The following DLGAP2 variants were observed in gnomAD, a reference collection of about 807,000 sequenced individuals.
DLGAP2 encodes the protein disks large-associated protein 2.
In DLGAP2, 26 loss-of-function variants were observed where a neutral mutation model predicts 100.3. That is an observed-to-expected ratio of 0.26 (90% CI 0.19 to 0.36). The LOEUF is 0.36. DLGAP2 is among the 10% of genes least tolerant of loss of function. DLGAP2 has a pLI of 1.00. For synonymous variants in DLGAP2, 886 were observed against 630.1 expected (o/e 1.41, Z -6.08); for missense variants, 1,858 against 1,453.2 (o/e 1.28, Z -4.53).
At chr8:1,367,726 G>A (rs1381779785) in intron 3 of DLGAP2, among the ~76,000 whole-genome samples, 1 of 152,158 alleles carries the variant, frequency 6.6e-6, no homozygotes, top group Non-Finnish European at 1.5e-5. Flanking sequence ...CATTTAAAAC[G>A]GTTCCCTATT....
In DLGAP2 at chr8:1,706,559, A is replaced by C. The variant is rs1406641094; in HGVS notation, c.*5153A>C. ...TGGAAAGGTTTGGAAATGCAGAAAT[A>C]ACTACAAGGGCCATTCTCCTTAGCT... On this transcript the variant is annotated 3_prime_UTR_variant, in exon 15 of 15. Coordinates refer to ENST00000637795, the MANE Select transcript of DLGAP2 (RefSeq NM_001346810.2). 6.6e-6 allele frequency: 1 copy of C among 152,186 alleles called. No homozygotes were observed. Among genetic ancestry groups the C allele is most frequent in the East Asian group, 1.9e-4 (1 of 5,188 alleles). 9.4% of individuals were successfully genotyped at this position (152,186 alleles called of 1,614,324 possible). A position where few individuals can be genotyped will look rare whatever the true frequency, so the allele number is the denominator to read the frequency against.
chr8:1,076,518 G>C (rs954967021), intron 2 of DLGAP2, among the ~76,000 whole-genome samples: 73 of 152,374 alleles, frequency 4.8e-4, no homozygotes, highest in Non-Finnish European at 6.2e-4. Flanking sequence ...GTTGGTCTCG[G>C]AAGATGGCCT....
intron 2 of DLGAP2, among the ~76,000 whole-genome samples, chr8:1,174,885 G>A (rs868832680): frequency 1.3e-5 from 2 of 152,126 alleles, no homozygotes; most frequent in African/African-American, 4.8e-5. Flanking sequence ...AGGGAAAGAA[G>A]GTGAGACAGG....
chr8:1,539,418 T>C (rs1801275256), intron 4 of DLGAP2, among the ~76,000 whole-genome samples: 1 of 152,078 alleles, frequency 6.6e-6, no homozygotes, highest in Non-Finnish European at 1.5e-5. Flanking sequence ...CTGGCGACTG[T>C]TCCTATGATG....
intron 2 of DLGAP2, among the ~76,000 whole-genome samples, chr8:1,253,260 C>G (rs541730696): frequency 4.6e-5 from 7 of 152,206 alleles, no homozygotes; most frequent in Non-Finnish European, 8.8e-5. Flanking sequence ...GCTGCAGCCG[C>G]TGGGTGGTTC....
chr8:1,620,508 A>T (rs73174749), intron 6 of DLGAP2: 1 of 152,320 alleles, frequency 6.6e-6, no homozygotes, highest in African/African-American at 2.4e-5. Context: ...ACTTCTTGGA[A>T]GTGCCCTAGA....
At chr8:924,393 C>T (rs1317184301) in intron 2 of DLGAP2, among the ~76,000 whole-genome samples, 1 of 151,930 alleles carries the variant, frequency 6.6e-6, no homozygotes, top group Non-Finnish European at 1.5e-5. Context: ...TGGGCTTGGA[C>T]GTTGGGTGGG....
chr8:1,479,945 G>A (rs562493532), intron 3 of DLGAP2, among the ~76,000 whole-genome samples: 16 of 152,192 alleles, frequency 1.1e-4, no homozygotes, highest in Non-Finnish European at 1.9e-4. Context: ...TAGTGCTGGC[G>A]TGACTTTTGT....
intron 2 of DLGAP2, among the ~76,000 whole-genome samples, chr8:1,165,300 G>GGA (rs143237912): frequency 0.029 from 4,334 of 150,912 alleles, 93 homozygotes; most frequent in East Asian, 0.065. Context: ...AGAGAGACAG[G>GGA]GAGAGAGAGA....
At chr8:1,138,924 T>A (rs1796471976) in intron 2 of DLGAP2, among the ~76,000 whole-genome samples, 1 of 152,046 alleles carries the variant, frequency 6.6e-6, no homozygotes, top group African/African-American at 2.4e-5. Context: ...TATTTACTTG[T>A]CCTGGCCTGT....
At chr8:994,236 T>A (rs192439384) in intron 2 of DLGAP2, among the ~76,000 whole-genome samples, 76 of 152,300 alleles carry the variant, frequency 5.0e-4, no homozygotes, top group African/African-American at 1.7e-3. Flanking sequence ...GTTTCACTCT[T>A]GTTGCCCAGG....
chr8:1,054,482 A>G (rs958953890), intron 2 of DLGAP2, among the ~76,000 whole-genome samples: 3 of 152,206 alleles, frequency 2.0e-5, no homozygotes, highest in Admixed American at 1.3e-4. Flanking sequence ...AAGTTTTTAC[A>G]TAAGTGCTGT....
intron 1 of DLGAP2, among the ~76,000 whole-genome samples, chr8:842,615 A>G (rs993708885): frequency 3.2e-5 from 3 of 93,918 alleles, no homozygotes; most frequent in Non-Finnish European, 4.5e-5. Context: ...ACGTTTACGA[A>G]TTATAGCTTC....
intron 4 of DLGAP2, among the ~76,000 whole-genome samples, chr8:1,542,049 C>T (rs1199828791): frequency 6.6e-6 from 1 of 152,220 alleles, no homozygotes; most frequent in Non-Finnish European, 1.5e-5. Context: ...CAGCCACATT[C>T]TTTGTTCTGT....
intron 2 of DLGAP2, among the ~76,000 whole-genome samples, chr8:978,277 G>A (rs561998884): frequency 5.4e-4 from 12 of 22,132 alleles, no homozygotes; most frequent in African/African-American, 8.2e-4. Flanking sequence ...TGCAGTGAGG[G>A]GCTGGGTTCT....
At chr8:1,594,511 C>G (rs1000445831) in intron 6 of DLGAP2, among the ~76,000 whole-genome samples, 10 of 152,018 alleles carry the variant, frequency 6.6e-5, no homozygotes, top group African/African-American at 2.4e-4. Flanking sequence ...TCGGTGAACT[C>G]AAAGACAACA....
intron 3 of DLGAP2, among the ~76,000 whole-genome samples, chr8:1,469,245 G>A (rs1798713625): frequency 6.6e-6 from 1 of 152,238 alleles, no homozygotes; most frequent in Non-Finnish European, 1.5e-5. Flanking sequence ...GCTGTGGCCA[G>A]CAGCAGTGGC....
In DLGAP2 at chr8:1,392,698, A is replaced by G. The variant is rs560182664; in HGVS notation, c.107-108668A>G. The stretch of plus-strand genomic sequence containing the variant: ...CTGGGGACTGGGCCAGGCCTGGGTC[A>G]GCACATCTGCGTTTCAGTGGAAGTG... On this transcript the variant is annotated intron_variant, in intron 3 of 14. Transcript: ENST00000637795. Among the ~76,000 whole-genome samples, 12 of 152,344 alleles carry G rather than the reference A, an allele frequency of 7.9e-5. No individual in the cohort carries two copies. In the South Asian group the frequency reaches 2.5e-3, roughly 32 times the overall value.
rs377634884 is a variant in DLGAP2, at chr8:973,270, G to A, written c.73+65304G>A. Among the ~76,000 whole-genome samples, 497 of 147,046 alleles carry A rather than the reference G, an allele frequency of 3.4e-3. 4 individuals are homozygous for A. The highest frequency in any genetic ancestry group is 0.012 in the African/African-American group (468 of 40,388). ...GAGGCTGTCCCCCCACCTCCCTCCC[G>A]GACGGGGCAGCTGGCCGGGCGGGGG... On this transcript the variant is annotated intron_variant, in intron 2 of 14. Coordinates refer to ENST00000637795, the MANE Select transcript of DLGAP2 (RefSeq NM_001346810.2).
Sources: gnomAD v4.1 joint callset for allele counts (sites outside exome capture counted in the v4.1 genomes callset) on GRCh38, gnomAD v4.1.1 for gene constraint, MANE v1.5 for transcripts, NCBI Gene and HGNC (gene_info 2026-07-23, HGNC 2026-07-21) for gene names.